SLIT1: variants seen among roughly 807,000 people sequenced by gnomAD.
SLIT1 encodes the protein slit homolog 1 protein.
A neutral mutation model predicts 186.1 loss-of-function variants in SLIT1; 66 were observed. The observed-to-expected ratio is 0.35, with a 90% CI of 0.29 to 0.44. The LOEUF (loss-of-function observed/expected upper bound fraction) is 0.44. SLIT1 is among the 20% of genes least tolerant of loss of function. The pLI is 1.00. For synonymous variants in SLIT1, 761 were observed against 833.8 expected, an observed-to-expected ratio of 0.91 and a Z score of 1.50; for missense variants, 1,638 against 2,037.4, an observed-to-expected ratio of 0.80 and a Z score of 3.77.
chr10:97,067,912 C>T (rs190280349), intron 4 of SLIT1, among the ~76,000 whole-genome samples: 48 of 152,310 alleles, frequency 3.2e-4, no homozygotes, highest in African/African-American at 1.0e-3. Context: ...CCCCCTGCCC[C>T]GCCGCACACC....
In SLIT1 at chr10:97,043,125, C is replaced by T; in HGVS notation, c.1998-58G>A. ...ACTCTGCCCCTCTCAGAGGTCCCAG[C>T]AAACCCCTCCTGTACCACGGACACA... On this transcript the variant is annotated intron_variant, in intron 19 of 36. Coordinates refer to ENST00000266058, the MANE Select transcript of SLIT1 (RefSeq NM_003061.3). The surrounding 1 kb of genome is among the most constrained non-coding windows in gnomAD (Gnocchi z 7.0). 1 of 1,564,664 alleles carries T rather than the reference C, an allele frequency of 6.4e-7. No homozygotes were observed. The highest frequency in any genetic ancestry group is 2.2e-5 in the East Asian group (1 of 44,520).
chr10:97,035,309 T>A (rs1206491315), intron 22 of SLIT1, among the ~76,000 whole-genome samples: 1 of 152,132 alleles, frequency 6.6e-6, no homozygotes, highest in Non-Finnish European at 1.5e-5. Flanking sequence ...GACGCCCCTG[T>A]GCTGACAGTG....
intron 1 of SLIT1, among the ~76,000 whole-genome samples, chr10:97,176,338 T>C (rs1275782295): frequency 6.6e-6 from 1 of 152,064 alleles, no homozygotes. Context: ...ACAGCCACCA[T>C]CAAAACTCCC....
chr10:97,042,218 G>C (rs1848696430), intron 20 of SLIT1, among the ~76,000 whole-genome samples: 1 of 152,112 alleles, frequency 6.6e-6, no homozygotes, highest in South Asian at 2.1e-4. Context: ...AGGCAAGAAA[G>C]GGAGAGACCA....
chr10:97,007,814 A>G (rs756475734), intron 31 of SLIT1, among the ~76,000 whole-genome samples: 11 of 152,258 alleles, frequency 7.2e-5, no homozygotes, highest in Non-Finnish European at 1.5e-4. Context: ...GGCACCTACA[A>G]AAAACACACA....
At chr10:97,131,240 G>T (rs935921722) in intron 4 of SLIT1, among the ~76,000 whole-genome samples, 1 of 152,170 alleles carries the variant, frequency 6.6e-6, no homozygotes, top group Non-Finnish European at 1.5e-5. Flanking sequence ...AGGGCCCATG[G>T]GACGCCTCTA....
At chr10:97,038,266 C>T (rs1419091901) in intron 21 of SLIT1, among the ~76,000 whole-genome samples, 1 of 152,194 alleles carries the variant, frequency 6.6e-6, no homozygotes, top group African/African-American at 2.4e-5. Flanking sequence ...GCTCCGCACC[C>T]TGATGTCGCT....
At chr10:97,122,432 G>A (rs966889093) in intron 4 of SLIT1, among the ~76,000 whole-genome samples, 1 of 152,192 alleles carries the variant, frequency 6.6e-6, no homozygotes, top group Non-Finnish European at 1.5e-5. Context: ...GTGAAGCCAC[G>A]GTGTCGAGAG....
intron 20 of SLIT1, among the ~76,000 whole-genome samples, chr10:97,041,529 C>T (rs191969221): frequency 1.5e-4 from 23 of 150,868 alleles, no homozygotes; most frequent in Admixed American, 2.0e-4. Context: ...TGGAGTGCAA[C>T]GGTGTGATCT....
chr10:97,105,244 G>A lies in SLIT1; in HGVS notation c.414-39158C>T, dbSNP rs185929559. Among the ~76,000 whole-genome samples the A allele has an allele frequency of 2.8e-4, 43 of 152,262 alleles. No homozygotes were observed. The East Asian group carries it at 5.2e-3, about 18-fold the overall frequency. On this transcript the variant is annotated intron_variant, in intron 4 of 36. Coordinates refer to ENST00000266058, the MANE Select transcript of SLIT1 (RefSeq NM_003061.3). Reference sequence around the variant, plus strand: ...TGACCACTCAGTTCCATTCACCACCGTCTCTGAACATAGATGCAGGTAAGT... The same window carrying A: ...TGACCACTCAGTTCCATTCACCACCATCTCTGAACATAGATGCAGGTAAGT...
intron 4 of SLIT1, among the ~76,000 whole-genome samples, chr10:97,136,155 C>T (rs1183758990): frequency 6.6e-6 from 1 of 152,146 alleles, no homozygotes; most frequent in East Asian, 1.9e-4. Context: ...AGAGTGAACG[C>T]TTGTGTCAAC....
chr10:97,091,490 G>A (rs1265609402), intron 4 of SLIT1, among the ~76,000 whole-genome samples: 1 of 152,196 alleles, frequency 6.6e-6, no homozygotes, highest in Non-Finnish European at 1.5e-5. Context: ...AACCAATTTT[G>A]TATTGAACTT....
intron 1 of SLIT1, among the ~76,000 whole-genome samples, chr10:97,178,107 G>A (rs1707594603): frequency 6.6e-6 from 1 of 152,120 alleles, no homozygotes; most frequent in Admixed American, 6.5e-5. Context: ...CTAAAACTCG[G>A]GGGATGAAAG....
intron 16 of SLIT1, 21 bp downstream of exon 16, chr10:97,047,669 G>C (rs755859622): frequency 3.8e-6 from 6 of 1,599,806 alleles, no homozygotes; most frequent in Admixed American, 3.3e-5. Context: ...GGGGAGGGCT[G>C]GGGGGGCCAG....
Position 97,030,495 on chromosome 10 carries a change from A to G in SLIT1, c.2582+262T>C, listed in dbSNP as rs7893410. ...ATAACTGTGAGGCGCACATTAGCTG[A>G]GGCAGGCGAAGTGCACAGCAATCGA... is the stretch of plus-strand genomic sequence containing the variant. On this transcript the variant is annotated intron_variant, in intron 25 of 36. Transcript: ENST00000266058. Among the ~76,000 whole-genome samples, 546 of 152,322 alleles carry G rather than the reference A, an allele frequency of 3.6e-3. 4 individuals carry two copies. Among genetic ancestry groups the G allele is most frequent in the African/African-American group, 0.013 (522 of 41,554 alleles).
At chr10:97,144,733 A>C (rs773501472) in intron 4 of SLIT1, among the ~76,000 whole-genome samples, 2 of 152,172 alleles carry the variant, frequency 1.3e-5, no homozygotes, top group African/African-American at 2.4e-5. Context: ...AGCCAAAACC[A>C]ACTTGTGAGA....
intron 4 of SLIT1, among the ~76,000 whole-genome samples, chr10:97,143,759 A>T (rs558100648): frequency 6.6e-6 from 1 of 152,342 alleles, no homozygotes; most frequent in South Asian, 2.1e-4. Flanking sequence ...GAATATGAAC[A>T]TTAATGCTTC....
At chr10:97,105,491 C>T (rs1055407084) in intron 4 of SLIT1, among the ~76,000 whole-genome samples, 4 of 152,180 alleles carry the variant, frequency 2.6e-5, no homozygotes, top group African/African-American at 9.7e-5. Flanking sequence ...CTGGCTACAT[C>T]GCAGGGGCCT....
chr10:97,157,932 G>A, intron 3 of SLIT1, 43 bp from the exon 4 acceptor site: 1 of 1,435,644 alleles, frequency 7.0e-7, no homozygotes, highest in Non-Finnish European at 9.8e-7. Context: ...AGACAGCCAG[G>A]AAATCCAAAG....
Sources: gnomAD v4.1 joint callset for allele counts (sites outside exome capture counted in the v4.1 genomes callset) on GRCh38, gnomAD v4.1.1 for gene constraint, Gnocchi (gnomAD v3.1) non-coding constraint, MANE v1.5 for transcripts, NCBI Gene and HGNC (gene_info 2026-07-23, HGNC 2026-07-21) for gene names.